Variants in ZNF705A observed in about 807,000 individuals in gnomAD.
ZNF705A encodes the protein zinc finger protein 705A.
Under a neutral mutation model 16.6 loss-of-function variants are expected in ZNF705A, and 8 were observed. The ratio of observed to expected loss-of-function variants is 0.48; its 90% CI spans 0.28 to 0.87. ZNF705A has a LOEUF of 0.87. Ranked by LOEUF, ZNF705A falls within the 40% of genes least tolerant of loss-of-function variation. The probability of loss-of-function intolerance (pLI) is 0.10; values close to 1 mark genes in which losing one functional copy is unlikely to be tolerated. For missense variants in ZNF705A, 233 were observed against 359.9 expected (o/e 0.65, Z 2.85); for synonymous variants, 73 against 117.3 (o/e 0.62, Z 2.44).
At chr12:8,163,305 A>C (rs1394862995) in intron 1 of ZNF705A, among the ~76,000 whole-genome samples, 1 of 152,188 alleles carries the variant, frequency 6.6e-6, no homozygotes, top group Non-Finnish European at 1.5e-5. Flanking sequence ...GTTCCATCTC[A>C]TGATATTTTT....
At chr12:8,174,988 C>T (rs1948474447) in intron 2 of ZNF705A, among the ~76,000 whole-genome samples, 1 of 152,170 alleles carries the variant, frequency 6.6e-6, no homozygotes, top group Admixed American at 6.5e-5. Context: ...GGCATGGACT[C>T]AGCATTCATA....
upstream of ZNF705A, among the ~76,000 whole-genome samples, chr12:8,169,628 C>T (rs1199556154): frequency 6.6e-6 from 1 of 152,090 alleles, no homozygotes; most frequent in East Asian, 1.9e-4. Flanking sequence ...TAGCACTCTT[C>T]GAGACTGCAG....
chr12:8,172,574 T>C, exon 1 of ZNF705A: 3 of 1,595,656 alleles, frequency 1.9e-6, no homozygotes, highest in South Asian at 2.2e-5. Flanking sequence ...GTGCCTAAAG[T>C]GTCTGCACAT....
chr12:8,159,385 T>C (rs1948334755), intron 1 of ZNF705A, among the ~76,000 whole-genome samples: 1 of 152,204 alleles, frequency 6.6e-6, no homozygotes, highest in Admixed American at 6.5e-5. Context: ...CTTTAAGGAA[T>C]CTTCACACTT....
chr12:8,177,754 A>C (rs1948498231), exon 5 of ZNF705A: 1 of 1,116,374 alleles, frequency 9.0e-7, no homozygotes, highest in Non-Finnish European at 1.2e-6. Context: ...GGAATGACGA[A>C]GGTAAGGAAT....
At chr12:8,171,831 G>GGTTCACGGCAATTTAAAA (rs1402951789), upstream of ZNF705A, among the ~76,000 whole-genome samples, 1 of 152,094 alleles carries the variant, frequency 6.6e-6, no homozygotes, top group African/African-American at 2.4e-5. Flanking sequence ...CTGCCTCCCG[G>GGTTCACGGCAATTTAAAA]GTTCAAGAGA....
intron 4 of ZNF705A, among the ~76,000 whole-genome samples, chr12:8,176,375 AAAG>A (rs769480799): frequency 6.6e-6 from 1 of 152,192 alleles, no homozygotes; most frequent in African/African-American, 2.4e-5. Flanking sequence ...GCCTTTCTCC[AAAG>A]AAGATTTTGA....
chr12:8,159,682 T>C (rs1292645891), intron 1 of ZNF705A, among the ~76,000 whole-genome samples: 1 of 152,084 alleles, frequency 6.6e-6, no homozygotes. Context: ...TTGTTTGTTC[T>C]TTTCTTACTG....
At chr12:8,170,666 G>A (rs1343131943), upstream of ZNF705A, among the ~76,000 whole-genome samples, 5 of 152,256 alleles carry the variant, frequency 3.3e-5, no homozygotes, top group Non-Finnish European at 4.4e-5. Flanking sequence ...TGGTTTCACC[G>A]AAGCTTTGTA....
upstream of ZNF705A, among the ~76,000 whole-genome samples, chr12:8,167,545 C>A (rs1294475366): frequency 6.6e-6 from 1 of 152,070 alleles, no homozygotes; most frequent in Non-Finnish European, 1.5e-5. Flanking sequence ...GAGTTTAAGA[C>A]CTTGGGGAAA....
At chr12:8,177,812 A>C in exon 5 of ZNF705A, 1 of 708,414 alleles carries the variant, frequency 1.4e-6, no homozygotes, top group Non-Finnish European at 2.3e-6. Flanking sequence ...ATGCCAAAGG[A>C]CTCATATTTT....
At chr12:8,160,564 AT>A (rs71042338) in intron 1 of ZNF705A, among the ~76,000 whole-genome samples, 9,193 of 135,780 alleles carry the variant, frequency 0.068, 672 homozygotes, top group African/African-American at 0.19. Flanking sequence ...ATTTCTAAGT[AT>A]TTTTTTTTTT....
At chr12:8,179,221 C>A (rs1157559515) in exon 5 of ZNF705A, 5 of 152,110 alleles carry the variant, frequency 3.3e-5, no homozygotes, top group African/African-American at 2.4e-5. Flanking sequence ...TCTCATGACA[C>A]CCCACATTTT....
upstream of ZNF705A, chr12:8,168,763 A>G (rs1045411056): frequency 1.8e-4 from 27 of 152,198 alleles, no homozygotes; most frequent in African/African-American, 5.5e-4. Flanking sequence ...CATGTTGGCT[A>G]CCACTTATTT....
intron 1 of ZNF705A, among the ~76,000 whole-genome samples, chr12:8,163,655 G>A (rs1285952903): frequency 6.6e-6 from 1 of 152,220 alleles, no homozygotes; most frequent in Non-Finnish European, 1.5e-5. Context: ...CAAGGCAGAA[G>A]TTTGTTTCTC....
chr12:8,174,076 A>G (rs531789840), intron 1 of ZNF705A, among the ~76,000 whole-genome samples: 351 of 152,292 alleles, frequency 2.3e-3, no homozygotes, highest in Non-Finnish European at 3.8e-3. Flanking sequence ...ACTGAAAAAT[A>G]TCTGGGTTAT....
chr12:8,158,278 A>G (rs750970280), intron 1 of ZNF705A, among the ~76,000 whole-genome samples: 1 of 151,978 alleles, frequency 6.6e-6, no homozygotes, highest in Non-Finnish European at 1.5e-5. Context: ...AGTTCTCTAA[A>G]CCCCTTCTTA....
At chr12:8,169,907 G>A (rs11043732), upstream of ZNF705A, among the ~76,000 whole-genome samples, 1,053 of 152,170 alleles carry the variant, frequency 6.9e-3, 13 homozygotes, top group African/African-American at 0.025. Context: ...TAACAGATCT[G>A]GGCCGGGCAC....
At chr12:8,179,257 A>G (rs1948511955) in exon 5 of ZNF705A, 1 of 152,186 alleles carries the variant, frequency 6.6e-6, no homozygotes, top group Non-Finnish European at 1.5e-5. Flanking sequence ...GAGTTATTAC[A>G]CAGAGACAGA....
Sources: gnomAD v4.1 joint callset for allele counts (sites outside exome capture counted in the v4.1 genomes callset) on GRCh38, gnomAD v4.1.1 for gene constraint, MANE v1.5 for transcripts, NCBI Gene and HGNC (gene_info 2026-07-23, HGNC 2026-07-21) for gene names.